Variants in SCYL2 observed in about 807,000 individuals in gnomAD.
SCYL2 encodes SCY1 like pseudokinase 2.
SCYL2 carries 36 observed loss-of-function variants against 100.4 expected under a neutral mutation model. The ratio of observed to expected loss-of-function variants is 0.36; its 90% CI spans 0.27 to 0.47. SCYL2 has a LOEUF of 0.47. Among genes scored for constraint, SCYL2 ranks in the 20% least tolerant of loss-of-function variants. The pLI is 1.00. For missense variants in SCYL2, 902 were observed against 1,083.9 expected (o/e 0.83, Z 2.36); for synonymous variants, 330 against 359.2 (o/e 0.92, Z 0.92).
chr12:100,329,285 C>T lies in SCYL2; in HGVS notation c.1727C>T (p.Pro576Leu), dbSNP rs1381581151. 2 of 1,597,732 alleles carry T rather than the reference C, an allele frequency of 1.3e-6. No individual in the cohort carries two copies. The highest frequency in any genetic ancestry group is 1.7e-6 in the Non-Finnish European group (2 of 1,165,678). ...GGAAAAGTGTTGCCTCATCTTATTCCCCTGAGTATTGAAAACAATCTTAAT... is the reference window on the plus strand; with the variant it reads ...GGAAAAGTGTTGCCTCATCTTATTCTCCTGAGTATTGAAAACAATCTTAAT... ...LAGKVLPHLI[P>L]LSIENNLNLN... Residue 576 changes from proline to leucine, a missense_variant, in exon 13 of 18, where the codon CCC becomes CTC. Coordinates refer to ENST00000360820, the MANE Select transcript of SCYL2 (RefSeq NM_017988.6).
At chr12:100,295,847 C>T (rs1247162043) in intron 3 of SCYL2, among the ~76,000 whole-genome samples, 6 of 151,964 alleles carry the variant, frequency 3.9e-5, no homozygotes, top group Non-Finnish European at 7.4e-5. Context: ...GGGGAATGGA[C>T]AGAACTGGAA....
chr12:100,318,329 C>CTTTTT (rs1052095844), intron 10 of SCYL2, among the ~76,000 whole-genome samples: 52 of 130,932 alleles, frequency 4.0e-4, no homozygotes, highest in African/African-American at 6.4e-4. Context: ...TCTTTTCTTT[C>CTTTTT]TTTTTTTTTT....
intron 2 of SCYL2, among the ~76,000 whole-genome samples, chr12:100,290,726 G>T (rs1297752883): frequency 6.6e-6 from 1 of 152,122 alleles, no homozygotes; most frequent in Non-Finnish European, 1.5e-5. Context: ...AGCATTCTTT[G>T]CTAATTTCGT....
chr12:100,336,899 C>T (rs1952284709), intron 16 of SCYL2, among the ~76,000 whole-genome samples: 1 of 152,050 alleles, frequency 6.6e-6, no homozygotes, highest in Non-Finnish European at 1.5e-5. Context: ...TAGTAGTTTA[C>T]AAAATTGTAA....
At chr12:100,326,789 T>C (rs1401752409) in intron 12 of SCYL2, 35 bp downstream of exon 12, 2 of 1,581,778 alleles carry the variant, frequency 1.3e-6, no homozygotes, top group Non-Finnish European at 8.6e-7. Context: ...GATGCTATTT[T>C]ATCATGCAAA....
intron 1 of SCYL2, among the ~76,000 whole-genome samples, chr12:100,269,987 C>CTT (rs548843835): frequency 4.2e-5 from 6 of 142,996 alleles, no homozygotes; most frequent in South Asian, 2.2e-4. Flanking sequence ...AGATTTTATA[C>CTT]TTTTTTTTTT....
At chr12:100,320,839 G>A (rs1461123017) in intron 10 of SCYL2, among the ~76,000 whole-genome samples, 1 of 151,550 alleles carries the variant, frequency 6.6e-6, no homozygotes, top group Admixed American at 6.7e-5. Context: ...GGGAACATAG[G>A]AACATAGTGT....
chr12:100,338,866 G>A lies in SCYL2; in HGVS notation c.2484G>A (p.Lys828=), dbSNP rs1952315887. 1 of 1,614,118 alleles carries A rather than the reference G, an allele frequency of 6.2e-7. No homozygotes were observed. Among genetic ancestry groups the A allele is most frequent in the Non-Finnish European group, 8.5e-7 (1 of 1,179,992 alleles). ...NALSVPPAGA[K]QTQQRPTDMS... ...TGAGTGTTCCTCCTGCTGGTGCAAA[G>A]CAGACCCAACAAAGACCCACAGATA... is the stretch of plus-strand genomic sequence containing the variant. The change falls in exon 18 of 18, where the codon AAG becomes AAA. Residue 828 remains lysine (K), a synonymous_variant. Coordinates refer to ENST00000360820, the MANE Select transcript of SCYL2 (RefSeq NM_017988.6).
intron 2 of SCYL2, among the ~76,000 whole-genome samples, chr12:100,284,854 T>G (rs1295012794): frequency 1.3e-5 from 2 of 152,158 alleles, no homozygotes; most frequent in South Asian, 4.1e-4. Flanking sequence ...TAAAGACATC[T>G]CCAGGTAATA....
chr12:100,315,462 C>CT, intron 8 of SCYL2, 96 bp from the exon 9 acceptor site: 1 of 981,360 alleles, frequency 1.0e-6, no homozygotes, highest in Non-Finnish European at 1.4e-6. Flanking sequence ...GTCACGTTAC[C>CT]TAAAGGGATT....
At chr12:100,330,710 A>G (rs951066845) in intron 13 of SCYL2, among the ~76,000 whole-genome samples, 2 of 152,154 alleles carry the variant, frequency 1.3e-5, no homozygotes, top group Non-Finnish European at 2.9e-5. Flanking sequence ...CATTGGGGAG[A>G]GTGCTGAGTG....
At chr12:100,291,404 A>T in intron 2 of SCYL2, 99 bp from the exon 3 acceptor site, 1 of 803,152 alleles carries the variant, frequency 1.2e-6, no homozygotes, top group South Asian at 2.2e-5. Context: ...CAATGGTGCT[A>T]AAATTTTTAT....
Position 100,335,905 on chromosome 12 carries a change from G to C in SCYL2, c.2024G>C (p.Arg675Thr), listed in dbSNP as rs151175570. 19 of 1,609,082 alleles carry C rather than the reference G, an allele frequency of 1.2e-5. No homozygotes were observed. The South Asian group carries it at 2.1e-4, about 18-fold the overall frequency. Reference protein sequence around the residue: ...KEDGLQNKHKRASLTLEEKQK... With the variant: ...KEDGLQNKHKTASLTLEEKQK... ...GACGGGTTACAGAATAAACATAAAA[G>C]AGTGAGTTTCCTTACTGTTCTTTCA... The change falls in exon 16 of 18, where the codon AGA (arginine) becomes ACA (threonine). Residue 675 changes from arginine to threonine, a missense_variant and splice_region_variant. Transcript: ENST00000360820.
chr12:100,335,720 G>A lies in SCYL2; in HGVS notation c.1929+29G>A, dbSNP rs372670849. ...AGAAGCAGCTTAATTTTTGCAGAAAGTATGCTTCATCTGGAGGGCTTTTAA... is the reference window on the plus strand; with the variant it reads ...AGAAGCAGCTTAATTTTTGCAGAAAATATGCTTCATCTGGAGGGCTTTTAA... On this transcript the variant is annotated intron_variant, in intron 15 of 17. Coordinates refer to ENST00000360820, the MANE Select transcript of SCYL2 (RefSeq NM_017988.6). The A allele has an allele frequency of 4.4e-6, 7 of 1,598,548 alleles. No homozygotes were observed. The African/African-American group carries it at 9.4e-5, about 21-fold the overall frequency.
chr12:100,302,946 A>G (rs1423312576), intron 4 of SCYL2, among the ~76,000 whole-genome samples: 1 of 151,952 alleles, frequency 6.6e-6, no homozygotes, highest in Non-Finnish European at 1.5e-5. Context: ...GGCTTTGTTC[A>G]TTCCTTTTCA....
At chr12:100,270,593 C>T (rs77494435) in intron 1 of SCYL2, among the ~76,000 whole-genome samples, 3,715 of 149,056 alleles carry the variant, frequency 0.025, 151 homozygotes, top group African/African-American at 0.086. Flanking sequence ...GATATTTAAG[C>T]GTATGTTGCC....
chr12:100,277,034 A>G (rs2096293260), intron 1 of SCYL2, among the ~76,000 whole-genome samples: 1 of 152,024 alleles, frequency 6.6e-6, no homozygotes, highest in Non-Finnish European at 1.5e-5. Context: ...ATTTCCATAT[A>G]TTTGCAGTTT....
At chr12:100,325,898 G>C (rs1282567925) in intron 11 of SCYL2, among the ~76,000 whole-genome samples, 1 of 151,904 alleles carries the variant, frequency 6.6e-6, no homozygotes, top group African/African-American at 2.4e-5. Context: ...TTTAGAAATG[G>C]AAATTTTTCC....
At chr12:100,316,473 CAT>C (rs1245579446) in intron 9 of SCYL2, among the ~76,000 whole-genome samples, 3 of 152,214 alleles carry the variant, frequency 2.0e-5, no homozygotes, top group African/African-American at 7.2e-5. Context: ...GGTATTATTA[CAT>C]GTTTGTAGCA....
Sources: gnomAD v4.1 joint callset for allele counts (sites outside exome capture counted in the v4.1 genomes callset) on GRCh38, gnomAD v4.1.1 for gene constraint, MANE v1.5 for transcripts, NCBI Gene and HGNC (gene_info 2026-07-23, HGNC 2026-07-21) for gene names.